The following ANGPT1 variants were observed in gnomAD, a reference collection of about 807,000 sequenced individuals.
ANGPT1 encodes angiopoietin-1.
A neutral mutation model predicts 62.2 loss-of-function variants in ANGPT1; 17 were observed. The ratio of observed to expected loss-of-function variants is 0.27; its 90% CI spans 0.19 to 0.41. The LOEUF (loss-of-function observed/expected upper bound fraction) is 0.41. Among genes scored for constraint, ANGPT1 ranks in the 10% least tolerant of loss-of-function variants. ANGPT1 has a pLI of 1.00. For synonymous variants in ANGPT1, 199 were observed against 198.9 expected (o/e 1.00, Z 0.00); for missense variants, 478 against 594.9 (o/e 0.80, Z 2.04).
chr8:107,422,805 TA>T (rs1221850545), intron 1 of ANGPT1, among the ~76,000 whole-genome samples: 1 of 152,164 alleles, frequency 6.6e-6, no homozygotes, highest in South Asian at 2.1e-4. Flanking sequence ...AGATGTTACC[TA>T]AAAATAATAA....
chr8:107,471,584 C>G (rs752941649), intron 1 of ANGPT1, among the ~76,000 whole-genome samples: 1 of 152,030 alleles, frequency 6.6e-6, no homozygotes, highest in Non-Finnish European at 1.5e-5. Flanking sequence ...TCCTGCATAT[C>G]ACTGTCCTGT....
intron 3 of ANGPT1, among the ~76,000 whole-genome samples, chr8:107,332,498 G>A (rs1419821293): frequency 6.6e-6 from 1 of 152,192 alleles, no homozygotes; most frequent in Non-Finnish European, 1.5e-5. Context: ...TTCTGGCCAT[G>A]TAGGGGATAG....
At chr8:107,404,789 T>A (rs1173696767) in intron 1 of ANGPT1, among the ~76,000 whole-genome samples, 1 of 152,084 alleles carries the variant, frequency 6.6e-6, no homozygotes, top group African/African-American at 2.4e-5. Flanking sequence ...CCAAAAAGAC[T>A]GTACCAATTA....
At chr8:107,339,401 T>C (rs1815646277) in intron 2 of ANGPT1, among the ~76,000 whole-genome samples, 1 of 152,154 alleles carries the variant, frequency 6.6e-6, no homozygotes, top group African/African-American at 2.4e-5. Context: ...TCTGCCACAT[T>C]GACTAGCCAA....
rs550065598 is a variant in ANGPT1, at chr8:107,264,390, G to A, written c.1206-39C>T. 17 of 1,601,906 alleles carry A rather than the reference G, an allele frequency of 1.1e-5. No individual in the cohort carries two copies. The Admixed American group carries it at 1.9e-4, about 18-fold the overall frequency. On this transcript the variant is annotated intron_variant, in intron 7 of 8. Transcript: ENST00000517746. ...GAAAAAAAAGAAAGATAAGCCATTC[G>A]ACAGAATAACAGAACCCAGAAGACC...
intron 7 of ANGPT1, among the ~76,000 whole-genome samples, chr8:107,273,983 TCAAA>T (rs1813801231): frequency 6.8e-6 from 1 of 147,194 alleles, no homozygotes; most frequent in African/African-American, 2.5e-5. Context: ...AAAAGAAAAA[TCAAA>T]CAGACATGCT....
intron 1 of ANGPT1, among the ~76,000 whole-genome samples, chr8:107,491,455 T>C (rs1812951768): frequency 6.6e-6 from 1 of 152,194 alleles, no homozygotes; most frequent in Admixed American, 6.5e-5. Flanking sequence ...TATAATAAGG[T>C]AGAAAGTCTC....
chr8:107,264,368 A>G lies in ANGPT1; in HGVS notation c.1206-17T>C. 1 of 1,609,540 alleles carries G rather than the reference A, an allele frequency of 6.2e-7. No homozygotes were observed. Among genetic ancestry groups the G allele is most frequent in the Non-Finnish European group, 8.5e-7 (1 of 1,178,724 alleles). On this transcript the variant is annotated splice_polypyrimidine_tract_variant and intron_variant, in intron 7 of 8. Coordinates refer to ENST00000517746, the MANE Select transcript of ANGPT1 (RefSeq NM_001146.5). Reference sequence around the variant, plus strand: ...AAATACAACCTGAAGTCAAAAAGAAAAAAAAGAAAGATAAGCCATTCGACA... The same window carrying G: ...AAATACAACCTGAAGTCAAAAAGAAGAAAAAGAAAGATAAGCCATTCGACA...
intron 1 of ANGPT1, among the ~76,000 whole-genome samples, chr8:107,442,442 G>T (rs1162882597): frequency 2.6e-5 from 4 of 152,020 alleles, no homozygotes; most frequent in Non-Finnish European, 5.9e-5. Context: ...TATTTTAAAG[G>T]TTTTACAAAT....
intron 1 of ANGPT1, among the ~76,000 whole-genome samples, chr8:107,403,960 T>G (rs1408972191): frequency 6.6e-6 from 1 of 152,066 alleles, no homozygotes; most frequent in Non-Finnish European, 1.5e-5. Flanking sequence ...AAAATAAAAA[T>G]GTTTTGTTAA....
At position 107,441,094 on chromosome 8, in the gene ANGPT1, G is replaced by A. The variant is rs565437002; in HGVS notation, c.297+56168C>T. 2.6e-5 allele frequency among the ~76,000 whole-genome samples: 4 copies of A among 152,258 alleles called. No individual in the cohort carries two copies. The East Asian group carries it at 5.8e-4, about 22-fold the overall frequency. ...CAGTTTATTCAACTGACAGTAGCCA[G>A]AATAAAGCAAATTCATTAAGCTATG... is the stretch of plus-strand genomic sequence containing the variant. On this transcript the variant is annotated intron_variant, in intron 1 of 8. Coordinates refer to ENST00000517746, the MANE Select transcript of ANGPT1 (RefSeq NM_001146.5).
chr8:107,482,840 C>A (rs1812723495), intron 1 of ANGPT1, among the ~76,000 whole-genome samples: 1 of 152,098 alleles, frequency 6.6e-6, no homozygotes, highest in South Asian at 2.1e-4. Context: ...CAGAACACCT[C>A]CACTGAATGA....
chr8:107,478,197 G>C (rs1812584245), intron 1 of ANGPT1, among the ~76,000 whole-genome samples: 1 of 149,296 alleles, frequency 6.7e-6, no homozygotes, highest in Non-Finnish European at 1.5e-5. Flanking sequence ...GATCCCATCT[G>C]TTTTACATCA....
chr8:107,403,870 G>C (rs1201628098), intron 1 of ANGPT1, among the ~76,000 whole-genome samples: 1 of 152,042 alleles, frequency 6.6e-6, no homozygotes, highest in Non-Finnish European at 1.5e-5. Flanking sequence ...ATCAAAATTT[G>C]TTTTGCATTA....
At chr8:107,474,940 CA>C (rs1441562686) in intron 1 of ANGPT1, among the ~76,000 whole-genome samples, 7 of 152,100 alleles carry the variant, frequency 4.6e-5, no homozygotes, top group African/African-American at 1.4e-4. Context: ...AAAGAGGACA[CA>C]AACAAATGGA....
At chr8:107,259,536 G>C (rs1420109771) in intron 8 of ANGPT1, among the ~76,000 whole-genome samples, 2 of 152,096 alleles carry the variant, frequency 1.3e-5, no homozygotes, top group Non-Finnish European at 2.9e-5. Context: ...GAAAAGAAAT[G>C]AGAGTTTCTA....
intron 1 of ANGPT1, among the ~76,000 whole-genome samples, chr8:107,440,171 G>A (rs528748498): frequency 1.5e-4 from 23 of 152,308 alleles, no homozygotes; most frequent in African/African-American, 5.3e-4. Context: ...GAAATTGTCT[G>A]CATAGAGGTG....
intron 1 of ANGPT1, among the ~76,000 whole-genome samples, chr8:107,370,172 G>C (rs1203400192): frequency 1.5e-5 from 1 of 68,868 alleles, no homozygotes; most frequent in Non-Finnish European, 3.3e-5. Context: ...AAGAAAGAGA[G>C]AAAGAAGAAA....
In ANGPT1 at chr8:107,486,281, G is replaced by A. The variant is rs77055486; in HGVS notation, c.297+10981C>T. Among the ~76,000 whole-genome samples, 952 of 152,272 alleles carry A rather than the reference G, an allele frequency of 6.3e-3. 9 individuals are homozygous for A. The highest frequency in any genetic ancestry group is 0.022 in the African/African-American group (909 of 41,560). On this transcript the variant is annotated intron_variant, in intron 1 of 8. Coordinates refer to ENST00000517746, the MANE Select transcript of ANGPT1 (RefSeq NM_001146.5). ...ATCTCATATTTGGTTAAGAGCATAG[G>A]TCATAGAGCCAGACTGCCTGGGATT...
Sources: gnomAD v4.1 joint callset for allele counts (sites outside exome capture counted in the v4.1 genomes callset) on GRCh38, gnomAD v4.1.1 for gene constraint, MANE v1.5 for transcripts, NCBI Gene and HGNC (gene_info 2026-07-23, HGNC 2026-07-21) for gene names.